CDH18: variants seen among roughly 807,000 people sequenced by gnomAD.
The protein encoded by CDH18 is cadherin 18.
Under a neutral mutation model 67.9 loss-of-function variants are expected in CDH18, and 31 were observed. The ratio of observed to expected loss-of-function variants is 0.46; its 90% CI spans 0.34 to 0.62. The LOEUF (loss-of-function observed/expected upper bound fraction) is 0.62, where lower values mean the gene tolerates loss of function less well. Among genes scored for constraint, CDH18 ranks in the 20% least tolerant of loss-of-function variants. The probability of loss-of-function intolerance (pLI) is 0.01; values close to 1 mark genes in which losing one functional copy is unlikely to be tolerated. For missense variants in CDH18, 890 were observed against 975.5 expected, an observed-to-expected ratio of 0.91 and a Z score of 1.17; for synonymous variants, 362 against 347.2, an observed-to-expected ratio of 1.04 and a Z score of -0.48.
chr5:20,232,501 A>C (rs1033215258), intron 2 of CDH18, among the ~76,000 whole-genome samples: 2 of 152,094 alleles, frequency 1.3e-5, no homozygotes, highest in East Asian at 3.9e-4. Flanking sequence ...TGTGGACACA[A>C]ATTTTTGAAG....
At chr5:20,280,210 ATTCT>A (rs1374890921) in intron 1 of CDH18, among the ~76,000 whole-genome samples, 5 of 151,224 alleles carry the variant, frequency 3.3e-5, no homozygotes, top group Non-Finnish European at 5.9e-5. Flanking sequence ...TTTTTTCTGG[ATTCT>A]TTTTTTTATT....
At chr5:19,480,447 GC>G (rs1252622008) in intron 12 of CDH18, among the ~76,000 whole-genome samples, 1 of 151,564 alleles carries the variant, frequency 6.6e-6, no homozygotes, top group African/African-American at 2.4e-5. Context: ...CGCCATCTCA[GC>G]TCCACTGCAA....
upstream of CDH18, among the ~76,000 whole-genome samples, chr5:19,993,014 C>T (rs1415614347): frequency 6.6e-6 from 1 of 152,144 alleles, no homozygotes; most frequent in Non-Finnish European, 1.5e-5. Flanking sequence ...GCTCCAACTC[C>T]AAACCTGCCC....
rs186602897 is a variant in CDH18, at chr5:20,421,060, C to A, written c.-580+154402G>T. Among the ~76,000 whole-genome samples, 110 of 150,934 alleles carry A rather than the reference C, an allele frequency of 7.3e-4. 9 individuals are homozygous for A. The highest frequency in any genetic ancestry group is 2.6e-3 in the African/African-American group (105 of 40,422). ...CAAGTAACAGTATGATCTTTAAATCCTTTTTGATTTTTTCCCTATTTATCA... is the reference window on the plus strand; with the variant it reads ...CAAGTAACAGTATGATCTTTAAATCATTTTTGATTTTTTCCCTATTTATCA... On this transcript the variant is annotated intron_variant, in intron 1 of 14. Transcript: ENST00000507958.
At chr5:20,405,214 G>A (rs569414125) in intron 1 of CDH18, among the ~76,000 whole-genome samples, 7 of 152,260 alleles carry the variant, frequency 4.6e-5, no homozygotes, top group East Asian at 3.9e-4. Flanking sequence ...AACCAAAACA[G>A]CATGGTACTG....
intron 2 of CDH18, among the ~76,000 whole-genome samples, chr5:20,112,252 ATCCAC>A (rs1747539646): frequency 6.6e-6 from 1 of 152,214 alleles, no homozygotes; most frequent in Admixed American, 6.5e-5. Flanking sequence ...GTTAATAATT[ATCCAC>A]TCCAAATAAT....
At chr5:20,080,046 C>T (rs904707880) in intron 2 of CDH18, among the ~76,000 whole-genome samples, 5 of 152,116 alleles carry the variant, frequency 3.3e-5, no homozygotes, top group Non-Finnish European at 7.4e-5. Flanking sequence ...GCAATTTAGG[C>T]TTCAATATGA....
intron 2 of CDH18, 73 bp from the exon 3 acceptor site, chr5:19,839,315 A>G: frequency 7.2e-6 from 2 of 278,042 alleles, no homozygotes; most frequent in Admixed American, 9.6e-5. Context: ...TACAAATGAT[A>G]CTATTTTGCA....
intron 1 of CDH18, among the ~76,000 whole-genome samples, chr5:20,497,658 A>T (rs554652488): frequency 6.6e-6 from 1 of 152,264 alleles, no homozygotes; most frequent in Admixed American, 6.5e-5. Flanking sequence ...GTGGTGGAAA[A>T]CTAGGTCATG....
intron 1 of CDH18, among the ~76,000 whole-genome samples, chr5:20,519,484 A>G (rs1263461907): frequency 6.6e-6 from 1 of 151,980 alleles, no homozygotes; most frequent in Non-Finnish European, 1.5e-5. Flanking sequence ...GTGGGAGGAG[A>G]GGGGAGGGAT....
chr5:20,557,905 T>TAATGTTATAGTTATATAACATTA (rs1757993982), intron 1 of CDH18, among the ~76,000 whole-genome samples: 3 of 26,436 alleles, frequency 1.1e-4, no homozygotes, highest in Admixed American at 5.6e-4. Context: ...ATATAACATT[T>TAATGTTATAGTTATATAACATTA]AATGTTATAG....
intron 3 of CDH18, among the ~76,000 whole-genome samples, chr5:19,769,340 T>C (rs1450741359): frequency 6.6e-6 from 1 of 152,100 alleles, no homozygotes; most frequent in African/African-American, 2.4e-5. Flanking sequence ...CTGCAAGACA[T>C]TGAACAGCTG....
At chr5:20,481,300 A>T (rs76995690) in intron 1 of CDH18, among the ~76,000 whole-genome samples, 4,604 of 152,226 alleles carry the variant, frequency 0.03, 82 homozygotes, top group Non-Finnish European at 0.043. Context: ...GTAAATACAT[A>T]TGCAGTCAAA....
chr5:19,738,199 C>T (rs983326845), intron 4 of CDH18, among the ~76,000 whole-genome samples: 1 of 148,880 alleles, frequency 6.7e-6, no homozygotes, highest in Non-Finnish European at 1.5e-5. Flanking sequence ...TAAGGGACTA[C>T]GGACCACTAT....
At chr5:19,748,345 T>C (rs1390188568) in intron 3 of CDH18, among the ~76,000 whole-genome samples, 2 of 151,970 alleles carry the variant, frequency 1.3e-5, no homozygotes, top group Non-Finnish European at 2.9e-5. Context: ...AGAAGAGGTA[T>C]TCAATAAGAA....
At chr5:20,165,435 A>G (rs1009409048) in intron 2 of CDH18, among the ~76,000 whole-genome samples, 1 of 152,130 alleles carries the variant, frequency 6.6e-6, no homozygotes, top group African/African-American at 2.4e-5. Context: ...CTTAGCAAAA[A>G]GATTTCTGAC....
At chr5:19,994,738 TAGAGAGAGAGAGAGAGAGAGAGAGAGAG>T (rs869278538) in intron 2 of CDH18, among the ~76,000 whole-genome samples, 6 of 13,568 alleles carry the variant, frequency 4.4e-4, no homozygotes, top group South Asian at 6.2e-3. Flanking sequence ...TATATATATA[TAGAGAGAGAGAGAGAGAGAGAGAGAGAG>T]AGAGAGAGAG....
chr5:20,313,993 T>G (rs1459668020), intron 1 of CDH18, among the ~76,000 whole-genome samples: 1 of 152,052 alleles, frequency 6.6e-6, no homozygotes, highest in Non-Finnish European at 1.5e-5. Flanking sequence ...TTTGTGTGTT[T>G]AAGATAATGA....
At chr5:20,281,005 CT>C (rs1746218884) in intron 1 of CDH18, among the ~76,000 whole-genome samples, 1 of 152,154 alleles carries the variant, frequency 6.6e-6, no homozygotes, top group African/African-American at 2.4e-5. Context: ...TAAATGTCTT[CT>C]TTTGAGAAGT....
Sources: allele counts gnomAD v4.1 joint callset (sites outside exome capture counted in the v4.1 genomes callset), GRCh38; gene constraint gnomAD v4.1.1; transcripts MANE v1.5; gene names NCBI Gene and HGNC (gene_info 2026-07-23, HGNC 2026-07-21).